EMSY: variants seen among roughly 807,000 people sequenced by gnomAD.
EMSY encodes EMSY transcriptional repressor, BRCA2 interacting.
Under a neutral mutation model 134.6 loss-of-function variants are expected in EMSY, and 26 were observed. That is an observed-to-expected ratio of 0.19 (90% CI 0.14 to 0.27). The LOEUF is 0.27. EMSY is among the 10% of genes least tolerant of loss of function. EMSY has a pLI of 1.00. For missense variants in EMSY, 1,305 were observed against 1,611.4 expected (o/e 0.81, Z 3.26); for synonymous variants, 579 against 577.8 (o/e 1.00, Z -0.03).
intron 1 of EMSY, among the ~76,000 whole-genome samples, chr11:76,446,349 GTATA>G (rs10636663): frequency 7.7e-6 from 1 of 130,378 alleles, no homozygotes; most frequent in African/African-American, 3.1e-5. Context: ...ATATATATGT[GTATA>G]TATATATATG....
At position 76,502,516 on chromosome 11, in the gene EMSY, A is replaced by T. The variant is rs566888744; in HGVS notation, c.1363+6047A>T. On this transcript the variant is annotated intron_variant, in intron 9 of 20. Transcript: ENST00000334736. ...TCTACCCCTATTTGCAGATCACATGATCCTTTATATTATTAAAAAAAAACA... is the reference window on the plus strand; with the variant it reads ...TCTACCCCTATTTGCAGATCACATGTTCCTTTATATTATTAAAAAAAAACA... 2.0e-5 allele frequency among the ~76,000 whole-genome samples: 3 copies of T among 150,340 alleles called. No individual in the cohort carries two copies. The South Asian group carries it at 6.3e-4, about 31-fold the overall frequency.
downstream of EMSY, chr11:76,552,019 C>T (rs1223572378): frequency 6.6e-6 from 1 of 152,110 alleles, no homozygotes; most frequent in Non-Finnish European, 1.5e-5. Context: ...AGAATTTAGC[C>T]TTCATATGTT....
At chr11:76,518,436 G>A (rs1950525701) in intron 11 of EMSY, among the ~76,000 whole-genome samples, 1 of 151,144 alleles carries the variant, frequency 6.6e-6, no homozygotes, top group South Asian at 2.1e-4. Flanking sequence ...CCAAAGTGCT[G>A]GGATTACAGG....
At position 76,459,976 on chromosome 11, in the gene EMSY, C is replaced by T; in HGVS notation, c.462C>T (p.Thr154=). 1.9e-6 allele frequency: 3 copies of T among 1,614,206 alleles called. No individual in the cohort carries two copies. The South Asian group carries it at 3.3e-5, about 18-fold the overall frequency. Residue 154 remains threonine (T), a synonymous_variant, in exon 6 of 21, where the codon ACC becomes ACT. Coordinates refer to ENST00000334736, the Ensembl canonical transcript of EMSY. ...ACACAAGTACCACGTCAACCCCAAC[C>T]TCTACCCCTGTTCCAAGTGGCAGCA...
At chr11:76,541,378 T>C (rs1951434520) in intron 17 of EMSY, among the ~76,000 whole-genome samples, 1 of 152,256 alleles carries the variant, frequency 6.6e-6, no homozygotes, top group Non-Finnish European at 1.5e-5. Context: ...AAATTTGAGA[T>C]GATAGAACAG....
chr11:76,545,132 G>A (rs936190763), intron 19 of EMSY, among the ~76,000 whole-genome samples: 8 of 152,148 alleles, frequency 5.3e-5, no homozygotes, highest in Non-Finnish European at 1.0e-4. Flanking sequence ...TTATTTTTTG[G>A]TATAAAATAT....
chr11:76,448,491 G>A (rs1200341566), intron 2 of EMSY, among the ~76,000 whole-genome samples: 2 of 152,012 alleles, frequency 1.3e-5, no homozygotes, highest in East Asian at 1.9e-4. Flanking sequence ...ATTGAATTGG[G>A]GTTTCTGGGC....
intron 7 of EMSY, among the ~76,000 whole-genome samples, chr11:76,465,983 C>T (rs926546639): frequency 2.0e-5 from 3 of 152,150 alleles, no homozygotes; most frequent in Admixed American, 1.3e-4. Flanking sequence ...AGTCTCCTGC[C>T]TCGAGTAATA....
chr11:76,548,798 C>T (rs1951744349), intron 20 of EMSY, among the ~76,000 whole-genome samples: 1 of 152,184 alleles, frequency 6.6e-6, no homozygotes, highest in African/African-American at 2.4e-5. Flanking sequence ...TTTATATTTT[C>T]CCCAGTAAAG....
intron 11 of EMSY, among the ~76,000 whole-genome samples, chr11:76,522,883 T>C (rs1402392602): frequency 3.3e-5 from 5 of 152,204 alleles, no homozygotes; most frequent in African/African-American, 4.8e-5. Flanking sequence ...AGAATATTGA[T>C]GGTAAAACTG....
At chr11:76,475,568 A>T (rs1271270866) in intron 8 of EMSY, among the ~76,000 whole-genome samples, 1 of 152,234 alleles carries the variant, frequency 6.6e-6, no homozygotes, top group Non-Finnish European at 1.5e-5. Context: ...TTAATAGAGA[A>T]TGAAGGATGT....
exon 7 of EMSY, chr11:76,463,999 C>T: frequency 1.9e-6 from 3 of 1,614,222 alleles, no homozygotes; most frequent in Non-Finnish European, 2.5e-6. Flanking sequence ...GCATTGCCAA[C>T]TCCTTACCAC....
Position 76,464,098 on chromosome 11 carries a change from T to G in EMSY, c.831+18T>G. 1.2e-6 allele frequency: 2 copies of G among 1,613,250 alleles called. No homozygotes were observed. Among genetic ancestry groups the G allele is most frequent in the Non-Finnish European group, 1.7e-6 (2 of 1,179,516 alleles). On this transcript the variant is annotated intron_variant, in intron 7 of 20. Transcript: ENST00000334736. ...CACAGAAGGTATGTGGTGGAGGGAG[T>G]CTCTGCCTGCCAATTGTTTCTTTCA...
At position 76,467,520 on chromosome 11, in the gene EMSY, A is replaced by G. The variant is rs186041470; in HGVS notation, c.831+3440A>G. ...TTCTCCCAGGGACTATAAGCTGCTA[A>G]GGGTAGAGACTTTGTCTTATTCTTC... On this transcript the variant is annotated intron_variant, in intron 7 of 20. Transcript: ENST00000334736. Among the ~76,000 whole-genome samples, 204 of 152,330 alleles carry G rather than the reference A, an allele frequency of 1.3e-3. 3 individuals carry two copies. The highest frequency in any genetic ancestry group is 8.4e-4 in the Non-Finnish European group (57 of 68,024).
At chr11:76,476,753 C>G (rs1004106457) in intron 8 of EMSY, among the ~76,000 whole-genome samples, 2 of 152,014 alleles carry the variant, frequency 1.3e-5, no homozygotes, top group African/African-American at 4.8e-5. Flanking sequence ...CATTTTCTCC[C>G]CTAGACTTGA....
Position 76,449,406 on chromosome 11 carries a change from A to G in EMSY, c.70+2398A>G, listed in dbSNP as rs561921938. Among the ~76,000 whole-genome samples, 59 of 152,294 alleles carry G rather than the reference A, an allele frequency of 3.9e-4. 1 individual carries two copies. The South Asian group carries it at 7.0e-3, about 18-fold the overall frequency. ...TGAGGTTGCCATCTCTTGATTTTGTACATGACTTCTTAGACTTGAAATGTC... is the reference window on the plus strand; with the variant it reads ...TGAGGTTGCCATCTCTTGATTTTGTGCATGACTTCTTAGACTTGAAATGTC... On this transcript the variant is annotated intron_variant, in intron 2 of 20. Transcript: ENST00000334736.
exon 8 of EMSY, chr11:76,472,699 A>C (rs761104169): frequency 5.6e-6 from 9 of 1,614,096 alleles, no homozygotes; most frequent in Admixed American, 1.7e-5. Flanking sequence ...ACCAGTTGTT[A>C]TAACTGCTTC....
rs1035544704 is a variant in EMSY, at chr11:76,522,239, C to A, written c.1685-916C>A. On this transcript the variant is annotated intron_variant, in intron 11 of 20. Coordinates refer to ENST00000334736, the Ensembl canonical transcript of EMSY. Reference sequence around the variant, plus strand: ...CTATTAGATAGATCTTAATAATTGACAATATAAGTTTATATATGCAAATTA... The same window carrying A: ...CTATTAGATAGATCTTAATAATTGAAAATATAAGTTTATATATGCAAATTA... Among the ~76,000 whole-genome samples the A allele has an allele frequency of 6.8e-5, 10 of 146,890 alleles. No homozygotes were observed. The East Asian group carries it at 1.2e-3, about 18-fold the overall frequency.
intron 12 of EMSY, among the ~76,000 whole-genome samples, chr11:76,524,684 C>T (rs1159359550): frequency 1.3e-5 from 2 of 152,094 alleles, no homozygotes; most frequent in Admixed American, 6.6e-5. Context: ...TGATAACAAC[C>T]GTTTGACACA....
Sources: allele counts gnomAD v4.1 joint callset (sites outside exome capture counted in the v4.1 genomes callset), GRCh38; gene constraint gnomAD v4.1.1; transcripts MANE v1.5; gene names NCBI Gene and HGNC (gene_info 2026-07-23, HGNC 2026-07-21).